ATP1A2: variants seen among roughly 807,000 people sequenced by gnomAD.
ATP1A2 encodes ATPase Na+/K+ transporting subunit alpha 2.
A neutral mutation model predicts 113.1 loss-of-function variants in ATP1A2; 56 were observed. The observed-to-expected ratio is 0.49, with a 90% CI of 0.40 to 0.62. ATP1A2 has a LOEUF of 0.62. ATP1A2 is among the 20% of genes least tolerant of loss of function. The pLI, the probability that ATP1A2 is intolerant of heterozygous loss-of-function variation, is 0.00. For synonymous variants in ATP1A2, 490 were observed against 526.8 expected (o/e 0.93, Z 0.96); for missense variants, 712 against 1,357.8 (o/e 0.52, Z 7.47).
intron 7 of ATP1A2, among the ~76,000 whole-genome samples, chr1:160,126,086 T>C (rs1450145204): frequency 6.6e-6 from 1 of 152,210 alleles, no homozygotes; most frequent in East Asian, 1.9e-4. Context: ...ATTATGTTTC[T>C]CTGTGGTTTT....
chr1:160,137,130 T>G, intron 20 of ATP1A2, 99 bp downstream of exon 20: 1 of 1,572,742 alleles, frequency 6.4e-7, no homozygotes, highest in Non-Finnish European at 8.7e-7. Context: ...ACCAGAGCTG[T>G]AAGGAGGGCA....
intron 13 of ATP1A2, among the ~76,000 whole-genome samples, chr1:160,131,909 G>A (rs1474614405): frequency 6.6e-6 from 1 of 152,142 alleles, no homozygotes; most frequent in Non-Finnish European, 1.5e-5. Flanking sequence ...ACCAGTAAGT[G>A]ATGGACTGGG....
Position 160,137,028 on chromosome 1 carries a change from T to C in ATP1A2, c.2837T>C (p.Met946Thr). Residue 946 changes from methionine (M) to threonine (T), a missense_variant, in exon 20 of 23, where the codon ATG becomes ACG. Physicochemically the swap from Met to Thr is moderately conservative, Grantham distance 81. Coordinates refer to ENST00000361216, the MANE Select transcript of ATP1A2 (RefSeq NM_000702.4). The stretch of plus-strand genomic sequence containing the variant: ...CGCAACTCAGTCTTCCAGCAGGGCA[T>C]GAAGTGAGTGCCCACCCCCATGGCA... ...TRRNSVFQQG[M>T]KNKILIFGLL... is the part of the protein sequence containing the mutation. 6.2e-7 allele frequency: 1 copy of C among 1,614,108 alleles called. No individual in the cohort carries two copies.
intron 13 of ATP1A2, among the ~76,000 whole-genome samples, chr1:160,133,151 T>C (rs1354824511): frequency 1.3e-5 from 2 of 151,968 alleles, no homozygotes; most frequent in Non-Finnish European, 2.9e-5. Context: ...GGAAAGAGCA[T>C]GCAGAGGAGT....
At chr1:160,138,796 G>A (rs12408200) in intron 20 of ATP1A2, among the ~76,000 whole-genome samples, 15,361 of 151,888 alleles carry the variant, frequency 0.1, 1,050 homozygotes, top group Non-Finnish European at 0.13. Flanking sequence ...AGCTGTGATC[G>A]TCCAGCCTGG....
chr1:160,131,583 G>T (rs150826971), intron 13 of ATP1A2, among the ~76,000 whole-genome samples: 217 of 152,256 alleles, frequency 1.4e-3, no homozygotes, highest in Non-Finnish European at 2.4e-3. Flanking sequence ...CAGCACTTTG[G>T]GGGGGTCCAA....
chr1:160,116,957 C>CTG (rs919563546), intron 1 of ATP1A2, among the ~76,000 whole-genome samples: 72 of 151,944 alleles, frequency 4.7e-4, no homozygotes, highest in African/African-American at 1.7e-3. Flanking sequence ...GTGTCTGTGT[C>CTG]TGTGTGTGTG....
At position 160,140,846 on chromosome 1, in the gene ATP1A2, C is replaced by CTTTTTTTTTTTTTT. The variant is rs1045304439; in HGVS notation, c.3035-432_3035-419dup. On this transcript the variant is annotated intron_variant, in intron 22 of 22. Transcript: ENST00000361216. Reference sequence around the variant, plus strand: ...ACCTCCTTCTCCTCCCTTTCACCTTCTTTTTTTTTTTTTTTTTTTTTTTTT... The same window carrying CTTTTTTTTTTTTTT: ...ACCTCCTTCTCCTCCCTTTCACCTTCTTTTTTTTTTTTTTTTTTTTTTTTTTTTTTTTTTTTTTT... 4.6e-5 allele frequency: 4 copies of CTTTTTTTTTTTTTT among 86,904 alleles called. 1 individual carries two copies. The highest frequency in any genetic ancestry group is 1.1e-4 in the African/African-American group (2 of 18,066). The allele number at this position is 86,904 out of a possible 1,614,324, so 5.4% of individuals were successfully genotyped here. A position where few individuals can be genotyped will look rare whatever the true frequency, so the allele number is the denominator to read the frequency against.
intron 1 of ATP1A2, among the ~76,000 whole-genome samples, chr1:160,120,466 G>A (rs979862630): frequency 6.6e-6 from 1 of 152,088 alleles, no homozygotes; most frequent in African/African-American, 2.4e-5. Context: ...TTGCCATGGT[G>A]TTGGGCTAAG....
intron 21 of ATP1A2, 25 bp downstream of exon 21, chr1:160,139,766 G>A (rs753252955): frequency 1.2e-6 from 2 of 1,613,834 alleles, no homozygotes; most frequent in East Asian, 2.2e-5. Context: ...CGGGCGGCCT[G>A]AGTAGTCATA....
In ATP1A2 at chr1:160,138,055, C is replaced by T. The variant is rs115118994; in HGVS notation, c.2840+1024C>T. On this transcript the variant is annotated intron_variant, in intron 20 of 22. Transcript: ENST00000361216. ...GACTTGCTATGCACTGCAGGGATGA[C>T]ACACGAAGGTGGGAACATGGCCATA... Among the ~76,000 whole-genome samples, 436 of 152,240 alleles carry T rather than the reference C, an allele frequency of 2.9e-3. 5 individuals are homozygous for T. Among genetic ancestry groups the T allele is most frequent in the African/African-American group, 0.01 (420 of 41,534 alleles).
chr1:160,130,229 A>G lies in ATP1A2; in HGVS notation c.1589A>G (p.Glu530Gly), dbSNP rs201296747. The G allele has an allele frequency of 9.9e-6, 16 of 1,614,184 alleles. No individual in the cohort carries two copies. In the East Asian group the frequency reaches 2.5e-4, roughly 25 times the overall value. ...VQGKEIPLDK[E>G]MQDAFQNAYM... ...GGCAAGGAGATCCCGCTCGACAAGG[A>G]GATGCAAGATGCCTTTCAAAATGCC... is the stretch of plus-strand genomic sequence containing the variant. The change falls in exon 12 of 23, where the codon GAG becomes GGG. Residue 530 changes from glutamate to glycine, a missense_variant. This residue lies in a region of ATP1A2 where 263 missense variants were observed against 380.6 expected (regional missense o/e 0.69). Transcript: ENST00000361216.
At position 160,139,725 on chromosome 1, in the gene ATP1A2, C is replaced by T. The variant is rs371742379; in HGVS notation, c.2926C>T (p.Arg976Cys). ...CTGCCCAGGCATGGGTGTAGCCCTC[C>T]GCATGTACCCGCTCAAGTGAGTGTC... is the stretch of plus-strand genomic sequence containing the variant. The part of the protein sequence containing the change: ...SYCPGMGVAL[R>C]MYPLKVTWWF... The change falls in exon 21 of 23, where the codon CGC becomes TGC. Residue 976 changes from arginine to cysteine, a missense_variant. This residue lies in a region of ATP1A2 where 188 missense variants were observed against 438.9 expected (regional missense o/e 0.43). Transcript: ENST00000361216. 4.3e-6 allele frequency: 7 copies of T among 1,614,068 alleles called. No homozygotes were observed. Among genetic ancestry groups the T allele is most frequent in the Non-Finnish European group, 5.9e-6 (7 of 1,180,032 alleles).
At chr1:160,140,112 G>GGGTCCCA in intron 22 of ATP1A2, 128 bp downstream of exon 22, 1 of 980,496 alleles carries the variant, frequency 1.0e-6, no homozygotes. Flanking sequence ...TCAGATCCTG[G>GGGTCCCA]GGTCCCAGGT....
rs187733403 is a variant in ATP1A2, at chr1:160,123,229, G to A, written c.194G>A (p.Arg65Gln). The A allele has an allele frequency of 6.2e-6, 10 of 1,613,998 alleles. No homozygotes were observed. The East Asian group carries it at 6.7e-5, about 11-fold the overall frequency. The change falls in exon 4 of 23, where the codon CGG (arginine) becomes CAG (glutamine). Residue 65 changes from arginine to glutamine, a missense_variant. Physicochemically the swap from Arg to Gln is conservative, Grantham distance 43. Transcript: ENST00000361216. ...VDLSKGLTNQ[R>Q]AQDVLARDGP... Reference sequence around the variant, plus strand: ...CTCCCTCAGGGCCTCACCAACCAGCGGGCTCAGGACGTTCTGGCTCGAGAT... The same window carrying A: ...CTCCCTCAGGGCCTCACCAACCAGCAGGCTCAGGACGTTCTGGCTCGAGAT...
chr1:160,121,036 GA>G, intron 2 of ATP1A2, 26 bp downstream of exon 2: 1 of 1,613,520 alleles, frequency 6.2e-7, no homozygotes, highest in South Asian at 1.1e-5. Flanking sequence ...GGCCATGGAG[GA>G]GGGGCCCCAT....
intron 1 of ATP1A2, among the ~76,000 whole-genome samples, chr1:160,119,256 C>CAAAAA (rs386368465): frequency 0.099 from 4,847 of 49,164 alleles, 1,309 homozygotes; most frequent in East Asian, 0.12. Flanking sequence ...CATTATCCTG[C>CAAAAA]AAAAAAAAAA....
At chr1:160,128,401 C>G in intron 8 of ATP1A2, 1 of 1,063,648 alleles carries the variant, frequency 9.4e-7, no homozygotes, top group Non-Finnish European at 1.4e-6. Flanking sequence ...TCCCTATGCT[C>G]AGCTCTGCTC....
chr1:160,133,607 G>A (rs1312527632), intron 13 of ATP1A2, among the ~76,000 whole-genome samples: 2 of 152,142 alleles, frequency 1.3e-5, no homozygotes, highest in African/African-American at 4.8e-5. Context: ...GGTGGAGGCA[G>A]GGGTGTTGTC....
Sources: gnomAD v4.1 joint callset for allele counts (sites outside exome capture counted in the v4.1 genomes callset) on GRCh38, gnomAD v4.1.1 for gene constraint, gnomAD v4.1.1 regional missense constraint, MANE v1.5 for transcripts, NCBI Gene and HGNC (gene_info 2026-07-23, HGNC 2026-07-21) for gene names.